YIPF3: variants seen among roughly 807,000 people sequenced by gnomAD.
The protein encoded by YIPF3 is Yip1 domain family member 3, also known as protein YIPF3.
A neutral mutation model predicts 40.3 loss-of-function variants in YIPF3; 18 were observed. That is an observed-to-expected ratio of 0.45 (90% CI 0.31 to 0.66). YIPF3 has a LOEUF of 0.66. Among genes scored for constraint, YIPF3 ranks in the 30% least tolerant of loss-of-function variants. The pLI is 0.07. For synonymous variants in YIPF3, 190 were observed against 179.6 expected (o/e 1.06, Z -0.46); for missense variants, 406 against 452.2 (o/e 0.90, Z 0.93).
At position 43,512,002 on chromosome 6, in the gene YIPF3, G is replaced by A. The variant is rs112600153; in HGVS notation, c.*165C>T. 7 of 1,144,422 alleles carry A rather than the reference G, an allele frequency of 6.1e-6. No individual in the cohort carries two copies. The African/African-American group carries it at 9.3e-5, about 15-fold the overall frequency. 70.9% of individuals were successfully genotyped at this position (1,144,422 alleles called of 1,614,324 possible). Reference sequence around the variant, plus strand: ...CCTGGCCAGGAGTTCTTGGCCTTGTGCCTTTCAGAAGTGCCGACAGGCATC... The same window carrying A: ...CCTGGCCAGGAGTTCTTGGCCTTGTACCTTTCAGAAGTGCCGACAGGCATC... On this transcript the variant is annotated 3_prime_UTR_variant, in exon 9 of 9. Coordinates refer to ENST00000372422, the MANE Select transcript of YIPF3 (RefSeq NM_015388.4).
intron 1 of YIPF3, 152 bp downstream of exon 1, chr6:43,516,575 G>T: frequency 2.2e-6 from 2 of 923,716 alleles, no homozygotes; most frequent in Non-Finnish European, 3.2e-6. Flanking sequence ...TCAGGTCAAT[G>T]TTAATCCCAC....
intron 1 of YIPF3, 107 bp downstream of exon 1, chr6:43,516,620 G>A: frequency 7.4e-7 from 1 of 1,351,268 alleles, no homozygotes. Context: ...AAAGAAGAGA[G>A]TTTTGTAAAT....
rs756292468 is a variant in YIPF3 at position 43,516,858 on chromosome 6, G to C, written c.-51C>G. ...AACCCGCGCTAGCCCCGCGCGCGGA[G>C]TGGGCAAGATGTGGGCCTCCGGAAG... On this transcript the variant is annotated 5_prime_UTR_variant, in exon 1 of 9. Transcript: ENST00000372422. 5.8e-6 allele frequency: 9 copies of C among 1,547,238 alleles called. No homozygotes were observed. Among genetic ancestry groups the C allele is most frequent in the Non-Finnish European group, 7.0e-6 (8 of 1,142,406 alleles).
In YIPF3 at chr6:43,515,657, C is replaced by T. The variant is rs780051515; in HGVS notation, c.333G>A (p.Leu111=). The change falls in exon 3 of 9, where the codon TTG becomes TTA. Residue 111 remains leucine, a synonymous_variant. Coordinates refer to ENST00000372422, the MANE Select transcript of YIPF3 (RefSeq NM_015388.4). ...GTCTGAGGATGTCGATGTTGGCGTACAAGCTGAAGGCCCTGGAGGCTTGTC... is the reference window on the plus strand; with the variant it reads ...GTCTGAGGATGTCGATGTTGGCGTATAAGCTGAAGGCCCTGGAGGCTTGTC... ...GKRQASRAFS[L]YANIDILRPY... 4.3e-6 allele frequency: 7 copies of T among 1,613,904 alleles called. No homozygotes were observed. The African/African-American group carries it at 6.7e-5, about 15-fold the overall frequency.
chr6:43,513,998 T>C (rs1485102520), intron 3 of YIPF3, among the ~76,000 whole-genome samples: 1 of 152,026 alleles, frequency 6.6e-6, no homozygotes, highest in African/African-American at 2.4e-5. Context: ...TCCCAGCACT[T>C]TGGGAGGCCG....
rs1281432426 is a variant in YIPF3 at position 43,513,186 on chromosome 6, C to G, written c.549G>C (p.Leu183=). Reference sequence around the variant, plus strand: ...AGCAGGTGCCAATGGCTGTGCCCATCAGGGTGCCCTCCCGCTGTGGGGTGA... The same window carrying G: ...AGCAGGTGCCAATGGCTGTGCCCATGAGGGTGCCCTCCCGCTGTGGGGTGA... ...TSDTIIREGT[L]MGTAIGTCFG... The change falls in exon 6 of 9, where the codon CTG becomes CTC. Residue 183 remains leucine (L), a synonymous_variant. Coordinates refer to ENST00000372422, the MANE Select transcript of YIPF3 (RefSeq NM_015388.4). 2.5e-6 allele frequency: 4 copies of G among 1,614,168 alleles called. No homozygotes were observed. The East Asian group carries it at 6.7e-5, about 27-fold the overall frequency.
chr6:43,515,348 A>C (rs1404999746), intron 3 of YIPF3: 3 of 595,124 alleles, frequency 5.0e-6, no homozygotes, highest in South Asian at 4.6e-5. Context: ...GATGGGATTG[A>C]GGAATGTGGA....
At chr6:43,513,699 C>A in intron 3 of YIPF3, 66 bp from the exon 4 acceptor site, 1 of 1,469,646 alleles carries the variant, frequency 6.8e-7, no homozygotes. Context: ...GAGGGCAAGG[C>A]CTGAATTTTA....
chr6:43,515,250 C>A (rs1237970860), intron 3 of YIPF3: 1 of 466,332 alleles, frequency 2.1e-6, no homozygotes, highest in Non-Finnish European at 4.3e-6. Flanking sequence ...CCTCGGCCTC[C>A]CAAAGTGCTG....
intron 1 of YIPF3, 98 bp from the exon 2 acceptor site, chr6:43,516,193 G>A: frequency 1.3e-6 from 2 of 1,554,080 alleles, no homozygotes; most frequent in South Asian, 1.2e-5. Context: ...TTCCACTGCT[G>A]AGGATACGGC....
In YIPF3 at chr6:43,516,900, G is replaced by T. The variant is rs560735222; in HGVS notation, c.-93C>A. On this transcript the variant is annotated 5_prime_UTR_variant, in exon 1 of 9. Coordinates refer to ENST00000372422, the MANE Select transcript of YIPF3 (RefSeq NM_015388.4). ...CTCCGGAAGGTAGACGTCCAGGGTC[G>T]AGGAGAGGTGGGATCGGCCGGAACA... 7.2e-7 allele frequency: 1 copy of T among 1,396,362 alleles called. No individual in the cohort carries two copies. The highest frequency in any genetic ancestry group is 1.4e-5 in the African/African-American group (1 of 69,726). 86.5% of individuals were successfully genotyped at this position (1,396,362 alleles called of 1,614,324 possible). A position where few individuals can be genotyped will look rare whatever the true frequency, so the allele number is the denominator to read the frequency against.
intron 8 of YIPF3, 54 bp downstream of exon 8, chr6:43,512,386 G>T: frequency 6.2e-7 from 1 of 1,614,096 alleles, no homozygotes; most frequent in Non-Finnish European, 8.5e-7. Flanking sequence ...CTAGCTTCTT[G>T]CTCTAGGCAG....
Position 43,512,052 on chromosome 6 carries a change from C to G in YIPF3, c.*115G>C. On this transcript the variant is annotated 3_prime_UTR_variant, in exon 9 of 9. Transcript: ENST00000372422. Reference sequence around the variant, plus strand: ...CAAGGAGGTACTTACGCAGCTACAGCTCAGTGGCAGCTGCAAACCCCATCT... The same window carrying G: ...CAAGGAGGTACTTACGCAGCTACAGGTCAGTGGCAGCTGCAAACCCCATCT... 6.6e-7 allele frequency: 1 copy of G among 1,505,542 alleles called. No homozygotes were observed. The highest frequency in any genetic ancestry group is 9.0e-7 in the Non-Finnish European group (1 of 1,108,770). The allele number at this position is 1,505,542 out of a possible 1,614,324, so 93.3% of individuals were successfully genotyped here. A position where few individuals can be genotyped will look rare whatever the true frequency, so the allele number is the denominator to read the frequency against.
chr6:43,513,390 A>G lies in YIPF3; in HGVS notation c.503T>C (p.Leu168Pro). The G allele has an allele frequency of 6.2e-7, 1 of 1,614,176 alleles. No homozygotes were observed. The highest frequency in any genetic ancestry group is 8.5e-7 in the Non-Finnish European group (1 of 1,180,034). Residue 168 changes from leucine (L) to proline (P), a missense_variant, in exon 5 of 9, where the codon CTC becomes CCC. Leu to Pro is a moderately conservative substitution (Grantham distance 98). Transcript: ENST00000372422. Reference protein sequence around the residue: ...MLVFTLVAILLHGMKTSDTII... With the variant: ...MLVFTLVAILPHGMKTSDTII... ...AGTGTCAGACGTCTTCATCCCATGG[A>G]GTAGGATAGCAACCAGAGTGAAGAC...
In YIPF3 at chr6:43,515,968, G is replaced by C. The variant is rs748393617; in HGVS notation, c.209C>G (p.Ala70Gly). ...EEVDADAADA[A>G]AAEEEDGEFL... is the part of the protein sequence containing the mutation. ...CTCTCCATCCTCCTCTTCAGCAGCA[G>C]CTGCATCAGCTGCATCAGCGTCTAC... is the stretch of plus-strand genomic sequence containing the variant. Residue 70 changes from alanine (A) to glycine (G), a missense_variant, in exon 2 of 9, where the codon GCT becomes GGT. Physicochemically the swap from Ala to Gly is moderately conservative, Grantham distance 60. Coordinates refer to ENST00000372422, the MANE Select transcript of YIPF3 (RefSeq NM_015388.4). 1 of 1,613,642 alleles carries C rather than the reference G, an allele frequency of 6.2e-7. No homozygotes were observed.
At chr6:43,512,915 G>C in intron 6 of YIPF3, 41 bp from the exon 7 acceptor site, 1 of 1,603,306 alleles carries the variant, frequency 6.2e-7, no homozygotes, top group Non-Finnish European at 8.5e-7. Context: ...ATTCAGGTTG[G>C]GCTGCTTTCT....
At position 43,516,713 on chromosome 6, in the gene YIPF3, C is replaced by T. The variant is rs767175722; in HGVS notation, c.81+14G>A. 10 of 1,612,462 alleles carry T rather than the reference C, an allele frequency of 6.2e-6. No homozygotes were observed. The highest frequency in any genetic ancestry group is 8.5e-6 in the Non-Finnish European group (10 of 1,179,860). On this transcript the variant is annotated intron_variant, in intron 1 of 8. Coordinates refer to ENST00000372422, the MANE Select transcript of YIPF3 (RefSeq NM_015388.4). ...CCCTCCGGCTGCTGGCAGCTGGTGC[C>T]TTGGGGCCATTACCTGGATGTTTTC...
intron 3 of YIPF3, among the ~76,000 whole-genome samples, chr6:43,514,097 T>C (rs1292181482): frequency 6.6e-6 from 1 of 152,102 alleles, no homozygotes. Context: ...AAAAATTAGC[T>C]GGGCATGGTG....
At position 43,516,746 on chromosome 6, in the gene YIPF3, C is replaced by A. The variant is rs750280566; in HGVS notation, c.62G>T (p.Gly21Val). ...ARNGAGPEWG[G>V]FEENIQGGGS... Reference sequence around the variant, plus strand: ...CATTACCTGGATGTTTTCTTCGAACCCTCCCCATTCCGGGCCAGCTCCATT... The same window carrying A: ...CATTACCTGGATGTTTTCTTCGAACACTCCCCATTCCGGGCCAGCTCCATT... The change falls in exon 1 of 9, where the codon GGG becomes GTG. Residue 21 changes from glycine (G) to valine (V), a missense_variant. Transcript: ENST00000372422. The A allele has an allele frequency of 1.7e-5, 28 of 1,609,844 alleles. No homozygotes were observed. Among genetic ancestry groups the A allele is most frequent in the Non-Finnish European group, 1.1e-5 (13 of 1,178,376 alleles).
Sources: gnomAD v4.1 joint callset for allele counts (sites outside exome capture counted in the v4.1 genomes callset) on GRCh38, gnomAD v4.1.1 for gene constraint, MANE v1.5 for transcripts, NCBI Gene and HGNC (gene_info 2026-07-23, HGNC 2026-07-21) for gene names.